Variants in CCDC38 observed in about 807,000 individuals in gnomAD.
The protein encoded by CCDC38 is coiled-coil domain-containing protein 38.
In CCDC38, 69 loss-of-function variants were observed where a neutral mutation model predicts 72.8. The observed-to-expected ratio is 0.95, with a 90% CI of 0.78 to 1.16. The LOEUF (loss-of-function observed/expected upper bound fraction) is 1.16. CCDC38 is among the 50% of genes most tolerant of loss of function. The probability of loss-of-function intolerance (pLI) is 0.00; values close to 1 mark genes in which losing one functional copy is unlikely to be tolerated. For missense variants in CCDC38, 626 were observed against 638.9 expected (o/e 0.98, Z 0.22); for synonymous variants, 201 against 213.2 (o/e 0.94, Z 0.50).
At chr12:95,931,352 C>A (rs1014379687) in intron 2 of CCDC38, among the ~76,000 whole-genome samples, 6 of 152,192 alleles carry the variant, frequency 3.9e-5, no homozygotes, top group South Asian at 2.1e-4. Context: ...ATTGGCTAAT[C>A]CAGGATAACC....
At chr12:95,873,497 C>T (rs1295449588) in intron 13 of CCDC38, among the ~76,000 whole-genome samples, 2 of 152,170 alleles carry the variant, frequency 1.3e-5, no homozygotes, top group African/African-American at 2.4e-5. Context: ...CCCTGTACCT[C>T]GACACTGTGC....
chr12:95,932,318 T>TA (rs2080346304), intron 2 of CCDC38, among the ~76,000 whole-genome samples: 1 of 152,210 alleles, frequency 6.6e-6, no homozygotes, highest in Non-Finnish European at 1.5e-5. Context: ...CAGAATTCCC[T>TA]AATAGATTGC....
chr12:95,896,094 T>C (rs1168635906), intron 7 of CCDC38, among the ~76,000 whole-genome samples: 1 of 147,770 alleles, frequency 6.8e-6, no homozygotes, highest in African/African-American at 2.5e-5. Context: ...CAAAAGATGG[T>C]ACATTTGTAA....
At position 95,872,325 on chromosome 12, in the gene CCDC38, G is replaced by C. The variant is rs747533845; in HGVS notation, c.1414C>G (p.Leu472Val). 1.9e-6 allele frequency: 3 copies of C among 1,614,146 alleles called. No individual in the cohort carries two copies. The highest frequency in any genetic ancestry group is 2.2e-5 in the South Asian group (2 of 91,084). The stretch of plus-strand genomic sequence containing the variant: ...TTTTCTTTGGGAATGGATTCGATGA[G>C]GTCACACAGTTCTACCAGGCGAGAT... The part of the protein sequence containing the change: ...VESRLVELCD[L>V]IESIPKENVE... Residue 472 changes from leucine (L) to valine (V), a missense_variant, in exon 14 of 16, where the codon CTC (leucine) becomes GTC (valine). Physicochemically the swap from Leu to Val is conservative, Grantham distance 32. Transcript: ENST00000344280.
chr12:95,869,356 G>C (rs1292856950), intron 15 of CCDC38, 124 bp downstream of exon 15: 3 of 677,014 alleles, frequency 4.4e-6, no homozygotes, highest in Admixed American at 3.1e-5. Context: ...ACCAATTGTA[G>C]CTGTGAGCAA....
intron 8 of CCDC38, among the ~76,000 whole-genome samples, chr12:95,891,638 G>A (rs2079828727): frequency 1.3e-5 from 2 of 152,004 alleles, no homozygotes; most frequent in Middle Eastern, 3.4e-3. Flanking sequence ...TGGAGCCACC[G>A]CACCTGGCCC....
intron 4 of CCDC38, among the ~76,000 whole-genome samples, chr12:95,911,161 G>A (rs541042591): frequency 5.3e-5 from 8 of 152,040 alleles, no homozygotes; most frequent in Non-Finnish European, 1.2e-4. Flanking sequence ...TCAATAAATG[G>A]TGCAGGGAAA....
rs1227160698 is a variant in CCDC38, at chr12:95,869,466, A to G, written c.1578+14T>C. ...CATATTGATATGGCTGGATCTATTAATAGCAAAACAAACCTTTTTCTTTGG... is the reference window on the plus strand; with the variant it reads ...CATATTGATATGGCTGGATCTATTAGTAGCAAAACAAACCTTTTTCTTTGG... On this transcript the variant is annotated intron_variant, in intron 15 of 15. Coordinates refer to ENST00000344280, the MANE Select transcript of CCDC38 (RefSeq NM_182496.3). 2 of 1,602,476 alleles carry G rather than the reference A, an allele frequency of 1.2e-6. No individual in the cohort carries two copies. The highest frequency in any genetic ancestry group is 1.1e-5 in the South Asian group (1 of 90,264).
intron 2 of CCDC38, among the ~76,000 whole-genome samples, chr12:95,922,069 T>C (rs1345719764): frequency 1.3e-5 from 2 of 152,166 alleles, no homozygotes; most frequent in Non-Finnish European, 2.9e-5. Context: ...AAAGTCTACC[T>C]GAGAAGCAGC....
At chr12:95,908,449 GA>G (rs1316239266) in intron 4 of CCDC38, among the ~76,000 whole-genome samples, 57 of 348 alleles carry the variant, frequency 0.16, 5 homozygotes, top group South Asian at 0.5. Flanking sequence ...TGGAAAGAGG[GA>G]GAGGGAGAGG....
chr12:95,896,435 G>T (rs527711860), intron 7 of CCDC38: 11 of 152,298 alleles, frequency 7.2e-5, no homozygotes, highest in African/African-American at 2.6e-4. Flanking sequence ...TTATCTGAAA[G>T]ATATCAATAT....
chr12:95,908,217 C>T (rs1230973372), intron 4 of CCDC38, among the ~76,000 whole-genome samples: 4 of 151,622 alleles, frequency 2.6e-5, no homozygotes, highest in East Asian at 2.0e-4. Context: ...CCCGGCACCT[C>T]GGGAGGCCGA....
At chr12:95,930,896 C>G (rs1384939582) in intron 2 of CCDC38, among the ~76,000 whole-genome samples, 1 of 152,116 alleles carries the variant, frequency 6.6e-6, no homozygotes, top group African/African-American at 2.4e-5. Context: ...ACTCTAAACT[C>G]TAAACTCTAG....
intron 1 of CCDC38, 44 bp downstream of exon 1, chr12:95,942,387 G>A (rs910974139): frequency 6.6e-6 from 1 of 151,898 alleles, no homozygotes; most frequent in Non-Finnish European, 1.5e-5. Flanking sequence ...AGGGGTGGGA[G>A]GGGGCATGCG....
chr12:95,921,051 A>G (rs2080201251), intron 2 of CCDC38, among the ~76,000 whole-genome samples: 4 of 151,754 alleles, frequency 2.6e-5, no homozygotes, highest in Admixed American at 2.6e-4. Flanking sequence ...TCACTTGAAC[A>G]TGGGAGGCAG....
chr12:95,916,117 A>C (rs1377843154), intron 4 of CCDC38, among the ~76,000 whole-genome samples: 1 of 152,226 alleles, frequency 6.6e-6, no homozygotes, highest in Non-Finnish European at 1.5e-5. Flanking sequence ...GAGGCATGTG[A>C]TTGAACGTAG....
chr12:95,922,126 T>A (rs996632267), intron 2 of CCDC38, among the ~76,000 whole-genome samples: 1 of 152,150 alleles, frequency 6.6e-6, no homozygotes, highest in African/African-American at 2.4e-5. Context: ...GCTGGGATTA[T>A]AGAAACTCCA....
chr12:95,872,921 A>T (rs1406024065), intron 13 of CCDC38, among the ~76,000 whole-genome samples: 2 of 152,210 alleles, frequency 1.3e-5, no homozygotes, highest in African/African-American at 2.4e-5. Flanking sequence ...AGTGATATTT[A>T]ACCTATATTA....
At chr12:95,921,000 C>A (rs568176159) in intron 2 of CCDC38, among the ~76,000 whole-genome samples, 1 of 151,916 alleles carries the variant, frequency 6.6e-6, no homozygotes, top group African/African-American at 2.4e-5. Flanking sequence ...TGGTGGTTCA[C>A]GCCTGTAATC....
Sources: gnomAD v4.1 joint callset for allele counts (sites outside exome capture counted in the v4.1 genomes callset) on GRCh38, gnomAD v4.1.1 for gene constraint, MANE v1.5 for transcripts, NCBI Gene and HGNC (gene_info 2026-07-23, HGNC 2026-07-21) for gene names.